The following CAPN13 variants were observed in gnomAD, a reference collection of about 807,000 sequenced individuals.
The protein encoded by CAPN13 is calpain 13.
Under a neutral mutation model 98.4 loss-of-function variants are expected in CAPN13, and 90 were observed. The ratio of observed to expected loss-of-function variants is 0.92; its 90% CI spans 0.77 to 1.09. The LOEUF (loss-of-function observed/expected upper bound fraction) is 1.09. Ranked by LOEUF, CAPN13 falls within the 50% of genes least tolerant of loss-of-function variation. CAPN13 has a pLI of 0.00. For missense variants in CAPN13, 887 were observed against 841.3 expected, an observed-to-expected ratio of 1.05 and a Z score of -0.67; for synonymous variants, 330 against 305.5, an observed-to-expected ratio of 1.08 and a Z score of -0.84.
At chr2:30,743,022 A>G (rs1671735612) in intron 13 of CAPN13, 3 of 273,332 alleles carry the variant, frequency 1.1e-5, no homozygotes, top group South Asian at 5.0e-5. Flanking sequence ...TCTTCTACCT[A>G]CCTTCCCATG....
chr2:30,725,181 T>C (rs939372711), intron 22 of CAPN13, among the ~76,000 whole-genome samples: 3 of 152,178 alleles, frequency 2.0e-5, no homozygotes, highest in African/African-American at 7.2e-5. Context: ...CAATACAGCC[T>C]CAAGTGTCCA....
At chr2:30,797,148 C>G (rs548772386) in intron 1 of CAPN13, among the ~76,000 whole-genome samples, 1 of 152,278 alleles carries the variant, frequency 6.6e-6, no homozygotes, top group South Asian at 2.1e-4. Context: ...AGAAGGCCGA[C>G]TGAGGGGTCT....
At chr2:30,760,442 G>T (rs55743071) in intron 7 of CAPN13, among the ~76,000 whole-genome samples, 35,989 of 151,842 alleles carry the variant, frequency 0.24, 5,328 homozygotes, top group South Asian at 0.41. Flanking sequence ...AGTGGGCATG[G>T]TGGGGAGAAA....
Position 30,729,777 on chromosome 2 carries a change from C to G in CAPN13, c.*30+953G>C, listed in dbSNP as rs372661472. On this transcript the variant is annotated intron_variant, in intron 22 of 22. Transcript: ENST00000295055. ...AGGTACATGAATGGGAGATTAAATA[C>G]TGTTTACCAAAACAATCGAGTTTTA... is the stretch of plus-strand genomic sequence containing the variant. 2.0e-5 allele frequency: 3 copies of G among 152,152 alleles called. No individual in the cohort carries two copies. In the South Asian group the frequency reaches 6.2e-4, roughly 32 times the overall value. The allele number at this position is 152,152 out of a possible 1,614,324, so 9.4% of individuals were successfully genotyped here.
intron 8 of CAPN13, among the ~76,000 whole-genome samples, chr2:30,755,697 C>T (rs1221937394): frequency 3.3e-5 from 5 of 152,194 alleles, no homozygotes; most frequent in Non-Finnish European, 7.3e-5. Context: ...GAGCCTGGGT[C>T]CCCTCTGTGC....
chr2:30,775,328 T>C (rs1395014695), intron 4 of CAPN13, among the ~76,000 whole-genome samples: 1 of 152,166 alleles, frequency 6.6e-6, no homozygotes, highest in Non-Finnish European at 1.5e-5. Flanking sequence ...TATAACACTT[T>C]ATTGAAGGAC....
At chr2:30,760,837 G>A (rs1209063980) in intron 7 of CAPN13, among the ~76,000 whole-genome samples, 1 of 152,160 alleles carries the variant, frequency 6.6e-6, no homozygotes, top group Non-Finnish European at 1.5e-5. Context: ...CCTGAGAATG[G>A]GCCAGCCACA....
chr2:30,799,877 T>G (rs946295869), intron 1 of CAPN13, among the ~76,000 whole-genome samples: 15 of 151,966 alleles, frequency 9.9e-5, no homozygotes, highest in South Asian at 2.1e-4. Flanking sequence ...ATCGAGACCA[T>G]CCTAGCTAAC....
chr2:30,736,741 G>T, intron 17 of CAPN13, 170 bp from the exon 18 acceptor site: 1 of 610,900 alleles, frequency 1.6e-6, no homozygotes. Flanking sequence ...AAGGGACCTG[G>T]CTTAGATTTG....
rs114798680 is a variant in CAPN13 at position 30,752,358 on chromosome 2, G to C, written c.1087+695C>G. Among the ~76,000 whole-genome samples, 679 of 152,284 alleles carry C rather than the reference G, an allele frequency of 4.5e-3. 8 individuals carry two copies. The highest frequency in any genetic ancestry group is 0.015 in the African/African-American group (632 of 41,556). ...AAGATATATAAGCACACTCTTGTTC[G>C]TCTTCACAGGGAGCTATTTCACTCA... On this transcript the variant is annotated intron_variant, in intron 10 of 22. Transcript: ENST00000295055.
intron 19 of CAPN13, among the ~76,000 whole-genome samples, chr2:30,733,941 G>C (rs1671225087): frequency 6.6e-6 from 1 of 152,176 alleles, no homozygotes; most frequent in Admixed American, 6.5e-5. Context: ...GAAGTGCTTG[G>C]TGAACCATGG....
intron 10 of CAPN13, among the ~76,000 whole-genome samples, chr2:30,752,711 T>C (rs955535454): frequency 6.6e-5 from 10 of 152,180 alleles, no homozygotes; most frequent in Admixed American, 5.2e-4. Context: ...CCTGACACTT[T>C]TCCTGTGTTC....
In CAPN13 at chr2:30,787,288, A is replaced by G; in HGVS notation, c.38T>C (p.Ile13Thr). Residue 13 changes from isoleucine (I) to threonine (T), a missense_variant, in exon 2 of 23, where the codon ATC (isoleucine) becomes ACC (threonine). Transcript: ENST00000295055. ...YYQEPSVETS[I>T]IKFKDQDFTT... Reference sequence around the variant, plus strand: ...AAAGTCCTGGTCTTTGAACTTGATGATGGAGGTCTCCACTGAAGGCTCCTG... The same window carrying G: ...AAAGTCCTGGTCTTTGAACTTGATGGTGGAGGTCTCCACTGAAGGCTCCTG... 1.9e-6 allele frequency: 3 copies of G among 1,613,376 alleles called. No homozygotes were observed. The highest frequency in any genetic ancestry group is 1.7e-4 in the Middle Eastern group (1 of 6,060).
At chr2:30,740,177 C>A (rs1181718538) in intron 15 of CAPN13, among the ~76,000 whole-genome samples, 1 of 147,926 alleles carries the variant, frequency 6.8e-6, no homozygotes, top group African/African-American at 2.5e-5. Context: ...TCACTGCAAC[C>A]TCTGCCTCGT....
intron 1 of CAPN13, among the ~76,000 whole-genome samples, chr2:30,791,732 C>T (rs897962127): frequency 6.6e-6 from 1 of 152,170 alleles, no homozygotes; most frequent in African/African-American, 2.4e-5. Context: ...CACTAAACAC[C>T]TGTTTCTTCA....
At chr2:30,780,552 TAAA>T (rs1299726840) in intron 2 of CAPN13, among the ~76,000 whole-genome samples, 1 of 148,026 alleles carries the variant, frequency 6.8e-6, no homozygotes, top group Non-Finnish European at 1.5e-5. Flanking sequence ...CAATAAAAGT[TAAA>T]AACAAAAATT....
chr2:30,776,517 A>G (rs1276560908), intron 3 of CAPN13, among the ~76,000 whole-genome samples: 3 of 152,148 alleles, frequency 2.0e-5, no homozygotes, highest in African/African-American at 4.8e-5. Context: ...CCAGCCTCTG[A>G]TTCTCTTTTT....
intron 2 of CAPN13, among the ~76,000 whole-genome samples, 158 bp downstream of exon 2, chr2:30,786,970 C>T (rs568864090): frequency 1.5e-4 from 23 of 152,160 alleles, no homozygotes; most frequent in Non-Finnish European, 2.9e-4. Flanking sequence ...TAGCATCTTC[C>T]CATCCTGCTG....
At chr2:30,754,135 A>G (rs772955924) in intron 9 of CAPN13, among the ~76,000 whole-genome samples, 155 bp downstream of exon 9, 2 of 152,180 alleles carry the variant, frequency 1.3e-5, no homozygotes, top group South Asian at 2.1e-4. Context: ...TTTTTCATCC[A>G]AAGTTTTTGT....
Sources: allele counts gnomAD v4.1 joint callset (sites outside exome capture counted in the v4.1 genomes callset), GRCh38; gene constraint gnomAD v4.1.1; transcripts MANE v1.5; gene names NCBI Gene and HGNC (gene_info 2026-07-23, HGNC 2026-07-21).